The following PACRG variants were observed in gnomAD, a reference collection of about 807,000 sequenced individuals.
PACRG encodes parkin coregulated.
Under a neutral mutation model 29.7 loss-of-function variants are expected in PACRG, and 29 were observed. The observed-to-expected ratio is 0.98, with a 90% CI of 0.73 to 1.33. PACRG has a LOEUF of 1.33. PACRG is among the 40% of genes most tolerant of loss of function. The probability of loss-of-function intolerance (pLI) is 0.00; values close to 1 mark genes in which losing one functional copy is unlikely to be tolerated. For missense variants in PACRG, 279 were observed against 316.2 expected (o/e 0.88, Z 0.89); for synonymous variants, 116 against 118.7 (o/e 0.98, Z 0.15).
At chr6:163,180,953 G>C (rs1779625996) in intron 4 of PACRG, among the ~76,000 whole-genome samples, 1 of 152,204 alleles carries the variant, frequency 6.6e-6, no homozygotes, top group African/African-American at 2.4e-5. Context: ...GTACAGTTAT[G>C]ACATTGACCC....
intron 4 of PACRG, among the ~76,000 whole-genome samples, chr6:163,107,872 C>T (rs1245279962): frequency 7.2e-5 from 11 of 152,294 alleles, no homozygotes; most frequent in Non-Finnish European, 1.5e-5. Flanking sequence ...TAAATTTCTC[C>T]AAAATCCTAA....
intron 2 of PACRG, among the ~76,000 whole-genome samples, chr6:163,001,739 G>A (rs1369323883): frequency 6.6e-6 from 1 of 152,150 alleles, no homozygotes; most frequent in East Asian, 1.9e-4. Flanking sequence ...GGCTTAAGCT[G>A]TAGACAGCAT....
chr6:162,928,563 G>T (rs952990741), intron 2 of PACRG, among the ~76,000 whole-genome samples: 4 of 151,914 alleles, frequency 2.6e-5, no homozygotes, highest in South Asian at 4.2e-4. Flanking sequence ...GATCTAATCA[G>T]TGTGACTGTG....
intron 4 of PACRG, among the ~76,000 whole-genome samples, chr6:163,179,725 A>AT (rs761613882): frequency 0.01 from 682 of 67,434 alleles, 2 homozygotes; most frequent in African/African-American, 0.023. Flanking sequence ...AAAAAAAAAA[A>AT]TTTTCTTACA....
At chr6:162,964,378 TAGTA>T (rs1562785561) in intron 2 of PACRG, among the ~76,000 whole-genome samples, 2 of 152,156 alleles carry the variant, frequency 1.3e-5, no homozygotes, top group African/African-American at 4.8e-5. Flanking sequence ...ATTACAAAAA[TAGTA>T]AGTTAATGAA....
At chr6:162,908,071 G>T (rs925659) in intron 2 of PACRG, among the ~76,000 whole-genome samples, 1 of 152,070 alleles carries the variant, frequency 6.6e-6, no homozygotes, top group African/African-American at 2.4e-5. Flanking sequence ...TGCAATTTGG[G>T]TATGTAACCA....
At chr6:162,729,701 T>C (rs1342425436) in intron 1 of PACRG, among the ~76,000 whole-genome samples, 1 of 152,024 alleles carries the variant, frequency 6.6e-6, no homozygotes, top group Non-Finnish European at 1.5e-5. Context: ...TTTTTTAATG[T>C]TATACTTTAA....
At chr6:162,727,318 T>TGAGGGGCGGCGGCGGGGCGGAGGG, upstream of PACRG, 1 of 337,468 alleles carries the variant, frequency 3.0e-6, no homozygotes, top group Non-Finnish European at 5.4e-6. Context: ...GGGGCGAAGG[T>TGAGGGGCGGCGGCGGGGCGGAGGG]GAGGGGCGGC....
intron 1 of PACRG, among the ~76,000 whole-genome samples, chr6:162,738,736 G>C (rs1204716034): frequency 6.6e-6 from 1 of 152,108 alleles, no homozygotes; most frequent in East Asian, 1.9e-4. Context: ...AAATGCTCTG[G>C]TTACAAAGTT....
In PACRG at chr6:163,276,489, C is replaced by T. The variant is rs571334499; in HGVS notation, c.614-38338C>T. On this transcript the variant is annotated intron_variant, in intron 4 of 4. Transcript: ENST00000366888. ...GTAGAGAGGATGAGGGACAGACCAG[C>T]TTCTAACCCTTCATTCCTACCTGGT... Among the ~76,000 whole-genome samples the T allele has an allele frequency of 8.5e-5, 13 of 152,324 alleles. No homozygotes were observed. The South Asian group carries it at 2.7e-3, about 32-fold the overall frequency.
At chr6:162,884,825 A>G (rs1271269991) in intron 2 of PACRG, among the ~76,000 whole-genome samples, 1 of 152,160 alleles carries the variant, frequency 6.6e-6, no homozygotes, top group Non-Finnish European at 1.5e-5. Flanking sequence ...CTCTAAACCT[A>G]AAAGTCTCAG....
chr6:163,073,493 T>TG (rs1330119746), intron 3 of PACRG, among the ~76,000 whole-genome samples: 2 of 152,096 alleles, frequency 1.3e-5, no homozygotes, highest in Non-Finnish European at 2.9e-5. Context: ...AAGAAAACAT[T>TG]GGGGAAAATC....
intron 1 of PACRG, among the ~76,000 whole-genome samples, chr6:162,810,357 C>T (rs1786745386): frequency 1.3e-5 from 2 of 152,092 alleles, no homozygotes; most frequent in Admixed American, 6.5e-5. Context: ...GCTTTAAGAT[C>T]TCATAATATA....
intron 2 of PACRG, chr6:163,053,785 C>G (rs1810273810): frequency 6.6e-6 from 1 of 152,198 alleles, no homozygotes; most frequent in African/African-American, 2.4e-5. Context: ...CTCGGTGCAG[C>G]TGCCCTCCCT....
intron 2 of PACRG, among the ~76,000 whole-genome samples, chr6:162,979,391 G>T (rs1802224459): frequency 6.6e-6 from 1 of 152,046 alleles, no homozygotes; most frequent in African/African-American, 2.4e-5. Flanking sequence ...TTCTTGCACT[G>T]CGTTGAGTTC....
chr6:163,294,262 G>C (rs1297449590), intron 4 of PACRG, among the ~76,000 whole-genome samples: 1 of 151,986 alleles, frequency 6.6e-6, no homozygotes, highest in Non-Finnish European at 1.5e-5. Context: ...ATGTTTATAC[G>C]AAATTGCAGG....
chr6:162,921,179 A>T (rs1797036789), intron 2 of PACRG, among the ~76,000 whole-genome samples: 1 of 152,192 alleles, frequency 6.6e-6, no homozygotes, highest in African/African-American at 2.4e-5. Context: ...CTTTGCAGCT[A>T]AATCAGCCAG....
intron 4 of PACRG, chr6:163,312,937 T>A (rs912155937): frequency 1.8e-5 from 5 of 274,214 alleles, no homozygotes; most frequent in African/African-American, 1.2e-4. Context: ...ATTTCTTTTA[T>A]AGAGATGGGG....
chr6:163,006,150 A>T (rs28850392), intron 2 of PACRG, among the ~76,000 whole-genome samples: 5 of 142,748 alleles, frequency 3.5e-5, no homozygotes. Flanking sequence ...ATTATATATA[A>T]TATATTATAT....
Sources: allele counts gnomAD v4.1 joint callset (sites outside exome capture counted in the v4.1 genomes callset), GRCh38; gene constraint gnomAD v4.1.1; transcripts MANE v1.5; gene names NCBI Gene and HGNC (gene_info 2026-07-23, HGNC 2026-07-21).